The following CFAP65 variants were observed in gnomAD, a reference collection of about 807,000 sequenced individuals.
The protein encoded by CFAP65 is cilia and flagella associated protein 65, also known as cilia- and flagella-associated protein 65.
CFAP65 carries 155 observed loss-of-function variants against 208.0 expected under a neutral mutation model. The ratio of observed to expected loss-of-function variants is 0.75; its 90% CI spans 0.65 to 0.85. The LOEUF is 0.85. Among genes scored for constraint, CFAP65 ranks in the 40% least tolerant of loss-of-function variants. CFAP65 has a pLI of 0.00. For synonymous variants in CFAP65, 970 were observed against 986.3 expected (o/e 0.98, Z 0.31); for missense variants, 2,294 against 2,451.3 (o/e 0.94, Z 1.36).
rs191762390 is a variant in CFAP65 at position 219,019,852 on chromosome 2, G to A, written c.3260-133C>T. The A allele has an allele frequency of 1.1e-3, 742 of 658,878 alleles. 5 individuals are homozygous for A. The highest frequency in any genetic ancestry group is 1.0e-3 in the African/African-American group (55 of 55,196). The allele number at this position is 658,878 out of a possible 1,614,324, so 40.8% of individuals were successfully genotyped here. ...TCATCAGGAGCAGTGGACCCCTCTC[G>A]GGCTCTAGGGCATTTCCAACAACAG... On this transcript the variant is annotated intron_variant, in intron 19 of 34. Transcript: ENST00000341552.
chr2:219,035,102 A>G (rs1948274065), intron 5 of CFAP65: 2 of 304,832 alleles, frequency 6.6e-6, no homozygotes, highest in South Asian at 6.1e-5. Flanking sequence ...CTACGCAGGA[A>G]AAAAAAAAAA....
intron 13 of CFAP65, chr2:219,027,162 A>G: frequency 8.4e-7 from 1 of 1,189,282 alleles, no homozygotes; most frequent in South Asian, 2.6e-5. Flanking sequence ...GGGCCAGAAC[A>G]GCAGGGCTGG....
At chr2:219,027,622 A>G (rs199761810) in intron 13 of CFAP65, 28 bp downstream of exon 13, 140 of 1,613,382 alleles carry the variant, frequency 8.7e-5, no homozygotes, top group African/African-American at 8.0e-4. Context: ...GAGACCCCGC[A>G]TTCCTCCCTC....
intron 5 of CFAP65, chr2:219,033,657 A>C (rs1223872896): frequency 6.6e-6 from 1 of 152,244 alleles, no homozygotes; most frequent in African/African-American, 2.4e-5. Context: ...ACACTTTTAC[A>C]GAAACCCTAC....
chr2:219,013,094 C>T (rs1946595730), intron 24 of CFAP65, among the ~76,000 whole-genome samples, 165 bp downstream of exon 24: 1 of 152,194 alleles, frequency 6.6e-6, no homozygotes, highest in African/African-American at 2.4e-5. Context: ...CAGCCTCTCC[C>T]TTCAAGTCTC....
At position 219,011,010 on chromosome 2, in the gene CFAP65, GA is replaced by G. The variant is rs745424866; in HGVS notation, c.3958-15del. ...CAGCTCATAAATCTGCAGGGGGCAG[GA>G]ATAGGAAAATTGCCACATCAGCTCA... On this transcript the variant is annotated splice_polypyrimidine_tract_variant and intron_variant, in intron 24 of 34. Coordinates refer to ENST00000341552, the MANE Select transcript of CFAP65 (RefSeq NM_194302.4). The G allele has an allele frequency of 1.3e-6, 2 of 1,588,586 alleles. No homozygotes were observed. The highest frequency in any genetic ancestry group is 1.7e-6 in the Non-Finnish European group (2 of 1,161,478).
chr2:219,021,188 A>G lies in CFAP65; in HGVS notation c.3223T>C (p.Ser1075Pro). ...AGGAGAGAGTAGGTGATGGTCCAGG[A>G]GTACTGGGACCGCTGCTTGGGACAG... ...TACPKQRSQY[S>P]WTITYSLLSH... Residue 1075 changes from serine (S) to proline (P), a missense_variant, in exon 19 of 35, where the codon TCC becomes CCC. This residue lies in a region of CFAP65 where 1,427 missense variants were observed against 1,438.7 expected (regional missense o/e 0.99). Transcript: ENST00000341552. The G allele has an allele frequency of 6.2e-7, 1 of 1,601,666 alleles. No individual in the cohort carries two copies. The highest frequency in any genetic ancestry group is 8.5e-7 in the Non-Finnish European group (1 of 1,173,582).
At chr2:219,013,688 T>TG in intron 22 of CFAP65, 103 bp from the exon 23 acceptor site, 1 of 1,243,828 alleles carries the variant, frequency 8.0e-7, no homozygotes, top group Non-Finnish European at 1.2e-6. Flanking sequence ...GGCCAGCCCC[T>TG]GGGAGCAACT....
In CFAP65 at chr2:219,004,834, G is replaced by T. The variant is rs181278224; in HGVS notation, c.5052-379C>A. Among the ~76,000 whole-genome samples the T allele has an allele frequency of 0.012, 1,751 of 147,678 alleles. 64 individuals carry two copies. Among genetic ancestry groups the T allele is most frequent in the African/African-American group, 0.041 (1,643 of 40,502 alleles). On this transcript the variant is annotated intron_variant, in intron 32 of 34. Coordinates refer to ENST00000341552, the MANE Select transcript of CFAP65 (RefSeq NM_194302.4). This position sits in a 1 kb window ranked among gnomAD's most constrained non-coding sequence, Gnocchi z 4.7. The stretch of plus-strand genomic sequence containing the variant: ...ACTGTCCTGGGGTGGGGGGGCCGGG[G>T]GGGGGGACCGTGGTGGGATCTTGCA...
At chr2:219,036,011 AC>A (rs1948335343) in intron 4 of CFAP65, among the ~76,000 whole-genome samples, 1 of 151,918 alleles carries the variant, frequency 6.6e-6, no homozygotes, top group Admixed American at 6.5e-5. Context: ...CTCAGATAGC[AC>A]CCCATCAGGT....
At chr2:219,038,669 G>T in intron 3 of CFAP65, 91 bp from the exon 4 acceptor site, 1 of 1,294,350 alleles carries the variant, frequency 7.7e-7, no homozygotes, top group Non-Finnish European at 1.1e-6. Context: ...TTGTCATGGA[G>T]GAGAGGGTCT....
rs757512359 is a variant in CFAP65 at position 219,004,504 on chromosome 2, C to T, written c.5052-49G>A. ...GGCCCTTGCTGAGGGGCCCTGAAGC[C>T]CCTGGGGAGCCCTGGCTTCAGAGCT... is the stretch of plus-strand genomic sequence containing the variant. On this transcript the variant is annotated intron_variant, in intron 32 of 34. Coordinates refer to ENST00000341552, the MANE Select transcript of CFAP65 (RefSeq NM_194302.4). This position sits in a 1 kb window ranked among gnomAD's most constrained non-coding sequence, Gnocchi z 4.7. 15 of 1,538,248 alleles carry T rather than the reference C, an allele frequency of 9.8e-6. No individual in the cohort carries two copies. The East Asian group carries it at 2.7e-4, about 28-fold the overall frequency.
At chr2:219,027,451 TG>T in intron 13 of CFAP65, 198 bp downstream of exon 13, 1 of 1,533,996 alleles carries the variant, frequency 6.5e-7, no homozygotes, top group Non-Finnish European at 8.8e-7. Context: ...TACATAAGAA[TG>T]AGAAAATCAG....
intron 9 of CFAP65, 140 bp downstream of exon 9, chr2:219,030,549 T>C: frequency 3.4e-6 from 4 of 1,169,440 alleles, no homozygotes; most frequent in Non-Finnish European, 4.8e-6. Context: ...AGGACACACC[T>C]GTTGACAGCT....
intron 8 of CFAP65, 58 bp from the exon 9 acceptor site, chr2:219,030,892 T>G (rs560247235): frequency 3.7e-5 from 58 of 1,571,032 alleles, no homozygotes; most frequent in Non-Finnish European, 4.7e-5. Flanking sequence ...TGGCCCCAGC[T>G]GAACAGCCCC....
At chr2:219,016,127 C>A (rs1408256980) in intron 21 of CFAP65, among the ~76,000 whole-genome samples, 1 of 152,128 alleles carries the variant, frequency 6.6e-6, no homozygotes, top group African/African-American at 2.4e-5. Context: ...TTTCCCATAG[C>A]TCCTATGTTG....
At position 219,029,646 on chromosome 2, in the gene CFAP65, G is replaced by C; in HGVS notation, c.1407C>G (p.His469Gln). 2.5e-6 allele frequency: 4 copies of C among 1,614,124 alleles called. No homozygotes were observed. Among genetic ancestry groups the C allele is most frequent in the Non-Finnish European group, 3.4e-6 (4 of 1,180,014 alleles). ...FCRGPAVSLQ[H>Q]YCVNFSWVNL... ...TGACCCAGCTGAAGTTGACACAGTA[G>C]TGCTGCAGGGACACAGCAGGGCCTG... The change falls in exon 11 of 35, where the codon CAC (histidine) becomes CAG (glutamine). Residue 469 changes from histidine (H) to glutamine (Q), a missense_variant. Physicochemically the swap from His to Gln is conservative, Grantham distance 24. Coordinates refer to ENST00000341552, the MANE Select transcript of CFAP65 (RefSeq NM_194302.4).
At chr2:219,023,935 C>T in intron 15 of CFAP65, 80 bp downstream of exon 15, 1 of 1,524,076 alleles carries the variant, frequency 6.6e-7, no homozygotes, top group South Asian at 1.3e-5. Context: ...GGGGCCAACC[C>T]CAGAATATGG....
intron 26 of CFAP65, among the ~76,000 whole-genome samples, 182 bp from the exon 27 acceptor site, chr2:219,010,267 C>T (rs1946381473): frequency 6.6e-6 from 1 of 151,930 alleles, no homozygotes. Flanking sequence ...TCTTAACATC[C>T]TCATCCCAGT....
Sources: allele counts gnomAD v4.1 joint callset (sites outside exome capture counted in the v4.1 genomes callset), GRCh38; gene constraint gnomAD v4.1.1; regional missense constraint gnomAD v4.1.1; non-coding constraint Gnocchi (gnomAD v3.1); transcripts MANE v1.5; gene names NCBI Gene and HGNC (gene_info 2026-07-23, HGNC 2026-07-21).